ARNT: variants seen among roughly 807,000 people sequenced by gnomAD.
ARNT encodes aryl hydrocarbon receptor nuclear translocator.
ARNT carries 30 observed loss-of-function variants against 105.0 expected under a neutral mutation model. That is an observed-to-expected ratio of 0.29 (90% CI 0.21 to 0.39). The LOEUF (loss-of-function observed/expected upper bound fraction) is 0.39. Ranked by LOEUF, ARNT falls within the 10% of genes least tolerant of loss-of-function variation. The pLI is 1.00. For synonymous variants in ARNT, 304 were observed against 344.0 expected (o/e 0.88, Z 1.29); for missense variants, 748 against 978.7 (o/e 0.76, Z 3.15).
At chr1:150,827,985 T>C (rs1016017070) in intron 12 of ARNT, among the ~76,000 whole-genome samples, 2 of 152,234 alleles carry the variant, frequency 1.3e-5, no homozygotes, top group African/African-American at 2.4e-5. Context: ...TCAAGTCTTA[T>C]GCTCTTTTTT....
intron 3 of ARNT, among the ~76,000 whole-genome samples, chr1:150,847,066 C>A (rs1444898546): frequency 6.6e-6 from 1 of 152,074 alleles, no homozygotes; most frequent in South Asian, 2.1e-4. Flanking sequence ...GCAAAATGGG[C>A]CAATAAACAT....
Position 150,816,420 on chromosome 1 carries a change from A to C in ARNT, c.1803-14T>G, listed in dbSNP as rs587718559. 19 of 1,597,564 alleles carry C rather than the reference A, an allele frequency of 1.2e-5. No homozygotes were observed. In the African/African-American group the frequency reaches 1.4e-4, roughly 11 times the overall value. The stretch of plus-strand genomic sequence containing the variant: ...AGGCCACTATTCCTAGGAGTGAATA[A>C]ATGAGGTAAAAGATTAAAAGGATAG... On this transcript the variant is annotated splice_polypyrimidine_tract_variant and intron_variant, in intron 18 of 21. Transcript: ENST00000358595.
chr1:150,850,649 C>A (rs1376597766), intron 3 of ARNT, among the ~76,000 whole-genome samples: 1 of 152,268 alleles, frequency 6.6e-6, no homozygotes, highest in Non-Finnish European at 1.5e-5. Context: ...CACCTCCCAG[C>A]CGCCTGCCTT....
At chr1:150,850,800 C>T (rs1156444797) in intron 3 of ARNT, among the ~76,000 whole-genome samples, 6 of 148,964 alleles carry the variant, frequency 4.0e-5, no homozygotes, top group Non-Finnish European at 7.4e-5. Flanking sequence ...AACTGAGGAG[C>T]GCCTCTTCCC....
intron 1 of ARNT, among the ~76,000 whole-genome samples, chr1:150,870,791 G>C (rs1033270654): frequency 5.9e-5 from 9 of 151,968 alleles, no homozygotes; most frequent in African/African-American, 2.2e-4. Flanking sequence ...TTACAGGTAT[G>C]AGCCACCATG....
intron 8 of ARNT, among the ~76,000 whole-genome samples, chr1:150,833,870 A>G (rs112503429): frequency 6.6e-6 from 1 of 151,670 alleles, no homozygotes; most frequent in South Asian, 2.1e-4. Context: ...TCAGACTACT[A>G]TGAATTAAAA....
chr1:150,861,239 G>A (rs933377390), intron 1 of ARNT: 1 of 398,536 alleles, frequency 2.5e-6, no homozygotes, highest in African/African-American at 2.1e-5. Flanking sequence ...GGGTGCAGTG[G>A]TGCGCACCTG....
rs755683776 is a variant in ARNT, at chr1:150,831,933, A to AT, written c.870-31_870-30insA. 86 of 1,431,230 alleles carry AT rather than the reference A, an allele frequency of 6.0e-5. 1 individual carries two copies. The highest frequency in any genetic ancestry group is 9.0e-5 in the Admixed American group (4 of 44,658). 88.7% of individuals were successfully genotyped at this position (1,431,230 alleles called of 1,614,324 possible). A position where few individuals can be genotyped will look rare whatever the true frequency, so the allele number is the denominator to read the frequency against. The stretch of plus-strand genomic sequence containing the variant: ...AAGAGTTACAGGAGTTTGAAAAAAA[A>AT]AAAAAAAATCTACCCGTAAAACTCA... On this transcript the variant is annotated intron_variant, in intron 9 of 21. Transcript: ENST00000358595.
chr1:150,852,867 A>AAATT, intron 2 of ARNT, 61 bp from the exon 3 acceptor site: 1 of 1,594,240 alleles, frequency 6.3e-7, no homozygotes, highest in Non-Finnish European at 8.6e-7. Context: ...TTAAGAAGTT[A>AAATT]AAATTTCTCA....
chr1:150,816,157 G>A, intron 19 of ARNT, 102 bp downstream of exon 19: 1 of 1,399,630 alleles, frequency 7.1e-7, no homozygotes, highest in Non-Finnish European at 9.7e-7. Context: ...ACAGGGGTTG[G>A]GGAGAAGGTA....
At chr1:150,854,509 CT>C (rs1417486786) in intron 2 of ARNT, among the ~76,000 whole-genome samples, 1 of 151,986 alleles carries the variant, frequency 6.6e-6, no homozygotes, top group Admixed American at 6.6e-5. Context: ...CTGCAGTGAG[CT>C]GAGATTGGGC....
Position 150,816,239 on chromosome 1 carries a change from A to G in ARNT, c.1950+20T>C, listed in dbSNP as rs773926365. The stretch of plus-strand genomic sequence containing the variant: ...AAACAAAAAATAATACACAGGGAAC[A>G]CACAGATGATAAGTTTTACCTGGGC... On this transcript the variant is annotated intron_variant, in intron 19 of 21. Transcript: ENST00000358595. 1.3e-6 allele frequency: 2 copies of G among 1,592,436 alleles called. No homozygotes were observed. The highest frequency in any genetic ancestry group is 1.9e-5 in the Admixed American group (1 of 53,320).
In ARNT at chr1:150,829,996, G is replaced by A. The variant is rs200269963; in HGVS notation, c.956-16C>T. The A allele has an allele frequency of 4.0e-5, 65 of 1,613,948 alleles. 1 individual carries two copies. In the Admixed American group the frequency reaches 5.7e-4, roughly 14 times the overall value. Reference sequence around the variant, plus strand: ...AGGGAAACACCTTCAGAAACGTGACGTTAAAAGGTTTAACGGGGACCTCCA... The same window carrying A: ...AGGGAAACACCTTCAGAAACGTGACATTAAAAGGTTTAACGGGGACCTCCA... On this transcript the variant is annotated splice_polypyrimidine_tract_variant and intron_variant, in intron 10 of 21. Transcript: ENST00000358595.
chr1:150,871,731 GA>G, intron 1 of ARNT, among the ~76,000 whole-genome samples: 1 of 148,784 alleles, frequency 6.7e-6, no homozygotes, highest in South Asian at 2.2e-4. Flanking sequence ...CCAACATGGA[GA>G]AACCCTGTCT....
intron 10 of ARNT, 153 bp from the exon 11 acceptor site, chr1:150,830,133 CG>C (rs1372795774): frequency 1.3e-6 from 1 of 753,144 alleles, no homozygotes; most frequent in Non-Finnish European, 2.1e-6. Context: ...CCAAGGTGGG[CG>C]GATCACTTGA....
intron 19 of ARNT, 129 bp from the exon 20 acceptor site, chr1:150,814,368 T>C: frequency 2.3e-6 from 2 of 884,582 alleles, no homozygotes; most frequent in Non-Finnish European, 3.4e-6. Flanking sequence ...TATTTCCTAT[T>C]GTATATTTCT....
At chr1:150,858,210 A>G (rs1247732306) in intron 2 of ARNT, 139 bp downstream of exon 2, 1 of 608,034 alleles carries the variant, frequency 1.6e-6, no homozygotes, top group Non-Finnish European at 2.9e-6. Context: ...AAGGAGACTT[A>G]TATGACAGTA....
intron 4 of ARNT, 90 bp downstream of exon 4, chr1:150,846,173 A>T: frequency 9.0e-7 from 1 of 1,111,452 alleles, no homozygotes; most frequent in South Asian, 1.5e-5. Context: ...CGTCTCATCC[A>T]GAAAAAATTA....
At chr1:150,812,198 A>G in intron 21 of ARNT, 88 bp from the exon 22 acceptor site, 1 of 943,564 alleles carries the variant, frequency 1.1e-6, no homozygotes, top group South Asian at 2.7e-5. Flanking sequence ...CTGCACTACC[A>G]TCCCTGACCC....
Sources: allele counts gnomAD v4.1 joint callset (sites outside exome capture counted in the v4.1 genomes callset), GRCh38; gene constraint gnomAD v4.1.1; transcripts MANE v1.5; gene names NCBI Gene and HGNC (gene_info 2026-07-23, HGNC 2026-07-21).